B4GALT6: variants seen among roughly 807,000 people sequenced by gnomAD.
B4GALT6 encodes UDP-Gal:beta-GlcNAc beta-1,4-galactosyltransferase 6.
In B4GALT6, 14 loss-of-function variants were observed where a neutral mutation model predicts 46.3. The ratio of observed to expected loss-of-function variants is 0.30; its 90% confidence interval spans 0.20 to 0.47. The LOEUF is 0.47. Ranked by LOEUF, B4GALT6 falls within the 20% of genes least tolerant of loss-of-function variation. B4GALT6 has a pLI of 0.99. For synonymous variants in B4GALT6, 168 were observed against 162.0 expected (o/e 1.04, Z -0.28); for missense variants, 386 against 480.1 (o/e 0.80, Z 1.83).
At chr18:31,706,185 T>A in the B4GALT6 span, among the ~76,000 whole-genome samples, 1 of 152,252 alleles carries the variant, frequency 6.6e-6, no homozygotes, top group Non-Finnish European at 1.5e-5. Context: ...TAAATACACA[T>A]ATGTATATGT....
At chr18:31,645,938 G>A (rs2073986183) in intron 3 of B4GALT6, among the ~76,000 whole-genome samples, 2 of 152,106 alleles carry the variant, frequency 1.3e-5, no homozygotes, top group Admixed American at 1.3e-4. Context: ...CTGTCTATTG[G>A]GAAAATGATT....
the B4GALT6 span, among the ~76,000 whole-genome samples, chr18:31,713,980 G>A: frequency 6.6e-6 from 1 of 152,150 alleles, no homozygotes; most frequent in Admixed American, 6.5e-5. Flanking sequence ...AATCAGATTT[G>A]TTTGTTTTTC....
Position 31,629,820 on chromosome 18 carries a change from A to G in B4GALT6, c.776+1139T>C, listed in dbSNP as rs1254421586. Among the ~76,000 whole-genome samples, 5 of 148,784 alleles carry G rather than the reference A, an allele frequency of 3.4e-5. 1 individual carries two copies. The highest frequency in any genetic ancestry group is 6.0e-5 in the Non-Finnish European group (4 of 67,178). On this transcript the variant is annotated intron_variant, in intron 6 of 8. Coordinates refer to ENST00000306851, the MANE Select transcript of B4GALT6 (RefSeq NM_004775.5). ...AGCCGAGATCGCACCACTGCACTCC[A>G]GCATGGGCGACAAAGCGAGACTCTG...
intron 5 of B4GALT6, among the ~76,000 whole-genome samples, chr18:31,634,689 C>G (rs555953271): frequency 9.9e-5 from 15 of 152,158 alleles, no homozygotes; most frequent in Admixed American, 4.6e-4. Flanking sequence ...AACTAGAATT[C>G]CTGAGCTGCT....
chr18:31,626,873 G>C (rs1378688620), intron 7 of B4GALT6, 126 bp downstream of exon 7: 2 of 735,196 alleles, frequency 2.7e-6, no homozygotes, highest in African/African-American at 1.9e-5. Flanking sequence ...TATAAAACAG[G>C]GTTTAGAAAC....
rs771234493 is a variant in B4GALT6 at position 31,631,057 on chromosome 18, G to C, written c.678C>G (p.Phe226Leu). 6.2e-7 allele frequency: 1 copy of C among 1,614,164 alleles called. No individual in the cohort carries two copies. The highest frequency in any genetic ancestry group is 1.1e-5 in the South Asian group (1 of 91,080). Residue 226 changes from phenylalanine to leucine, a missense_variant, in exon 6 of 9, where the codon TTC becomes TTG. Physicochemically the swap from Phe to Leu is conservative, Grantham distance 22. This residue lies in a region of B4GALT6 where 323 missense variants were observed against 438.9 expected (regional missense o/e 0.74). Transcript: ENST00000306851. ...MKDSVWDCVI[F>L]HDVDHLPEND... ...TTTCAGGTAGATGATCCACATCGTG[G>C]AAGATTACACAGTCCCAGACACTGT...
chr18:31,714,463 T>A, the B4GALT6 span, among the ~76,000 whole-genome samples: 1 of 152,106 alleles, frequency 6.6e-6, no homozygotes, highest in African/African-American at 2.4e-5. Context: ...TGAAGCCAGG[T>A]GGGGATGCAC....
intron 2 of B4GALT6, among the ~76,000 whole-genome samples, chr18:31,660,843 C>T (rs528817205): frequency 1.3e-5 from 2 of 152,010 alleles, no homozygotes; most frequent in Non-Finnish European, 2.9e-5. Context: ...AACAAAGCTC[C>T]AAGATGCTCT....
At chr18:31,687,443 T>C (rs902298544), upstream of B4GALT6, among the ~76,000 whole-genome samples, 2 of 152,150 alleles carry the variant, frequency 1.3e-5, no homozygotes, top group Middle Eastern at 3.2e-3. Context: ...GGGTCTCAGC[T>C]CATGTTTAAA....
chr18:31,715,977 C>T, the B4GALT6 span, among the ~76,000 whole-genome samples: 1 of 152,082 alleles, frequency 6.6e-6, no homozygotes, highest in Non-Finnish European at 1.5e-5. Flanking sequence ...AAAAAGTATC[C>T]TTACCTTGTC....
chr18:31,649,379 A>G (rs948157217), intron 3 of B4GALT6, among the ~76,000 whole-genome samples: 47 of 152,178 alleles, frequency 3.1e-4, no homozygotes, highest in African/African-American at 1.1e-3. Context: ...GAATGAATGA[A>G]TGAATGAGTA....
intron 2 of B4GALT6, among the ~76,000 whole-genome samples, chr18:31,663,766 T>A (rs1220865407): frequency 6.6e-6 from 1 of 152,224 alleles, no homozygotes; most frequent in Non-Finnish European, 1.5e-5. Context: ...AAATAACTAT[T>A]CATGTTTCCA....
At chr18:31,700,583 A>G in the B4GALT6 span, among the ~76,000 whole-genome samples, 1 of 151,912 alleles carries the variant, frequency 6.6e-6, no homozygotes. Flanking sequence ...CAGCCTCTCA[A>G]GTAGCTGGGA....
rs1376864181 is a variant in B4GALT6, at chr18:31,623,309, A to G, written c.*2305T>C. ...AAAAATAATTTTAGGTCTACACTAAAAAAGCAAAACAAACAAACAAAAAGC... is the reference window on the plus strand; with the variant it reads ...AAAAATAATTTTAGGTCTACACTAAGAAAGCAAAACAAACAAACAAAAAGC... On this transcript the variant is annotated 3_prime_UTR_variant, in exon 9 of 9. Coordinates refer to ENST00000306851, the MANE Select transcript of B4GALT6 (RefSeq NM_004775.5). 6.6e-6 allele frequency: 1 copy of G among 152,382 alleles called. No homozygotes were observed. The highest frequency in any genetic ancestry group is 2.4e-5 in the African/African-American group (1 of 41,446). 9.4% of individuals were successfully genotyped at this position (152,382 alleles called of 1,614,324 possible). A position where few individuals can be genotyped will look rare whatever the true frequency, so the allele number is the denominator to read the frequency against.
At chr18:31,638,310 G>A (rs558643330) in intron 5 of B4GALT6, among the ~76,000 whole-genome samples, 3 of 152,196 alleles carry the variant, frequency 2.0e-5, no homozygotes, top group African/African-American at 7.2e-5. Flanking sequence ...GGTGGATCAC[G>A]AGATCAGGAG....
At chr18:31,709,945 A>C in the B4GALT6 span, among the ~76,000 whole-genome samples, 4 of 152,070 alleles carry the variant, frequency 2.6e-5, no homozygotes, top group Admixed American at 1.3e-4. Flanking sequence ...AATACAAAAA[A>C]TTAGCTGGGT....
At chr18:31,707,750 T>C in the B4GALT6 span, among the ~76,000 whole-genome samples, 79 of 152,208 alleles carry the variant, frequency 5.2e-4, no homozygotes, top group Admixed American at 1.7e-3. Context: ...AGTATAAAAA[T>C]TCAAAAATGG....
chr18:31,667,824 A>G (rs1391337886), intron 1 of B4GALT6, among the ~76,000 whole-genome samples: 2 of 152,164 alleles, frequency 1.3e-5, no homozygotes, highest in African/African-American at 2.4e-5. Context: ...AGTGGACTTT[A>G]AAAGAATGAA....
At chr18:31,671,976 T>G (rs1040019552) in intron 1 of B4GALT6, among the ~76,000 whole-genome samples, 2 of 152,236 alleles carry the variant, frequency 1.3e-5, no homozygotes, top group African/African-American at 4.8e-5. Flanking sequence ...AGGCATTCTA[T>G]CCTGAGTTTA....
Sources: gnomAD v4.1 joint callset for allele counts (sites outside exome capture counted in the v4.1 genomes callset) on GRCh38, gnomAD v4.1.1 for gene constraint, gnomAD v4.1.1 regional missense constraint, MANE v1.5 for transcripts, NCBI Gene and HGNC (gene_info 2026-07-23, HGNC 2026-07-21) for gene names.